Variants in CALN1 observed in about 807,000 individuals in gnomAD.
The protein encoded by CALN1 is calcium-binding protein 8.
In CALN1, 17 loss-of-function variants were observed where a neutral mutation model predicts 30.6. The ratio of observed to expected loss-of-function variants is 0.56; its 90% CI spans 0.38 to 0.83. The LOEUF (loss-of-function observed/expected upper bound fraction) is 0.83, where lower values mean the gene tolerates loss of function less well. CALN1 is among the 40% of genes least tolerant of loss of function. The pLI, the probability that CALN1 is intolerant of heterozygous loss-of-function variation, is 0.00. For missense variants in CALN1, 291 were observed against 354.9 expected, an observed-to-expected ratio of 0.82 and a Z score of 1.45; for synonymous variants, 156 against 131.4, an observed-to-expected ratio of 1.19 and a Z score of -1.28.
chr7:71,963,737 G>A (rs1343154735), intron 5 of CALN1, among the ~76,000 whole-genome samples: 1 of 151,974 alleles, frequency 6.6e-6, no homozygotes, highest in East Asian at 1.9e-4. Flanking sequence ...TGCAATAATA[G>A]ATTACACTTA....
intron 5 of CALN1, among the ~76,000 whole-genome samples, chr7:71,897,969 A>C (rs1332327974): frequency 1.7e-5 from 2 of 117,384 alleles, no homozygotes; most frequent in Non-Finnish European, 3.4e-5. Context: ...AAAAAACAAA[A>C]AACAAAAAAA....
chr7:72,281,826 G>A (rs1797750180), intron 2 of CALN1, among the ~76,000 whole-genome samples: 1 of 152,124 alleles, frequency 6.6e-6, no homozygotes, highest in South Asian at 2.1e-4. Context: ...TTATACTCAA[G>A]CAAGCATCTC....
At chr7:72,199,181 A>G (rs1218913147) in intron 3 of CALN1, among the ~76,000 whole-genome samples, 1 of 152,192 alleles carries the variant, frequency 6.6e-6, no homozygotes, top group African/African-American at 2.4e-5. Context: ...AGGTGGAGGC[A>G]GGAGAATTGT....
Position 71,957,583 on chromosome 7 carries a change from A to C in CALN1, c.501+66074T>G, listed in dbSNP as rs533297828. Among the ~76,000 whole-genome samples the C allele has an allele frequency of 2.6e-5, 4 of 152,290 alleles. No homozygotes were observed. In the South Asian group the frequency reaches 8.3e-4, roughly 32 times the overall value. ...GCCTTCCTCAACTTACAAATGGCAA[A>C]TCTCTTAAGTAACTTCAGTTCTCAG... is the stretch of plus-strand genomic sequence containing the variant. On this transcript the variant is annotated intron_variant, in intron 5 of 6. Coordinates refer to ENST00000395275, the MANE Select transcript of CALN1 (RefSeq NM_031468.4).
At chr7:72,387,208 G>GGGAA (rs1208704202) in intron 2 of CALN1, among the ~76,000 whole-genome samples, 7 of 122,434 alleles carry the variant, frequency 5.7e-5, no homozygotes, top group Middle Eastern at 4.7e-3. Context: ...GAGGGAGGGA[G>GGGAA]GGAAGGAAGG....
At chr7:72,137,717 G>T (rs1244941198) in intron 3 of CALN1, among the ~76,000 whole-genome samples, 1 of 152,178 alleles carries the variant, frequency 6.6e-6, no homozygotes, top group Non-Finnish European at 1.5e-5. Context: ...GGTATATGAT[G>T]TTAAGTTTTC....
chr7:72,180,069 T>C (rs868214840), intron 3 of CALN1, among the ~76,000 whole-genome samples: 1 of 152,212 alleles, frequency 6.6e-6, no homozygotes, highest in African/African-American at 2.4e-5. Flanking sequence ...CAGCTGCTCA[T>C]TCTTTTCAAG....
Position 71,925,264 on chromosome 7 carries a change from A to AAAGC in CALN1, c.501+98389_501+98392dup, listed in dbSNP as rs765736446. ...GGGGAGAGAGAGAGAGAGACAAAGAAAAGCAAGCAAGCAAGCAAGCAAGAA... is the reference window on the plus strand; with the variant it reads ...GGGGAGAGAGAGAGAGAGACAAAGAAAAGCAAGCAAGCAAGCAAGCAAGCAAGAA... On this transcript the variant is annotated intron_variant, in intron 5 of 6. Coordinates refer to ENST00000395275, the MANE Select transcript of CALN1 (RefSeq NM_031468.4). Among the ~76,000 whole-genome samples, 14 of 151,866 alleles carry AAAGC rather than the reference A, an allele frequency of 9.2e-5. No homozygotes were observed. The South Asian group carries it at 1.0e-3, about 11-fold the overall frequency.
intron 2 of CALN1, among the ~76,000 whole-genome samples, chr7:72,393,706 C>T (rs553589689): frequency 1.3e-5 from 2 of 151,278 alleles, no homozygotes; most frequent in African/African-American, 4.9e-5. Flanking sequence ...GAATCAGGTG[C>T]CTAGGAGTCG....
intron 1 of CALN1, among the ~76,000 whole-genome samples, chr7:72,436,261 A>G (rs1234087697): frequency 6.6e-6 from 1 of 152,190 alleles, no homozygotes; most frequent in African/African-American, 2.4e-5. Flanking sequence ...TAATTGAATC[A>G]TGGAGGTGAT....
chr7:71,937,105 TTCTAA>T (rs1795878545), intron 5 of CALN1, among the ~76,000 whole-genome samples: 1 of 152,166 alleles, frequency 6.6e-6, no homozygotes, highest in South Asian at 2.1e-4. Context: ...ATATCTATCT[TTCTAA>T]TCTATATATC....
intron 6 of CALN1, among the ~76,000 whole-genome samples, chr7:71,803,951 T>TGTGTGTATGTGTGTGC (rs1787455957): frequency 0.013 from 2 of 150 alleles, no homozygotes; most frequent in African/African-American, 0.033. Context: ...TGTGTGTGCG[T>TGTGTGTATGTGTGTGC]GTGTGTGTGT....
At chr7:72,030,795 G>A (rs1801389907) in intron 4 of CALN1, among the ~76,000 whole-genome samples, 4 of 151,724 alleles carry the variant, frequency 2.6e-5, no homozygotes, top group Admixed American at 2.6e-4. Flanking sequence ...CACCTAGGCT[G>A]GAGTGCAGTG....
At chr7:72,442,478 GGATTGCACTTTATTAAA>G (rs1808378300) in intron 1 of CALN1, among the ~76,000 whole-genome samples, 1 of 152,154 alleles carries the variant, frequency 6.6e-6, no homozygotes, top group Admixed American at 6.5e-5. Flanking sequence ...CACTTATTTA[GGATTGCACTTTATTAAA>G]GATTGCACTT....
At chr7:72,280,526 A>G (rs1400252816) in intron 2 of CALN1, among the ~76,000 whole-genome samples, 1 of 152,222 alleles carries the variant, frequency 6.6e-6, no homozygotes. Flanking sequence ...CACTTCAATG[A>G]CCACCTCCTT....
chr7:71,909,722 G>C (rs934274138), intron 5 of CALN1, among the ~76,000 whole-genome samples: 1 of 152,086 alleles, frequency 6.6e-6, no homozygotes, highest in African/African-American at 2.4e-5. Context: ...GTATCACTTG[G>C]TTTCCATTCT....
At chr7:71,894,917 C>T (rs1248593939) in intron 5 of CALN1, among the ~76,000 whole-genome samples, 1 of 152,086 alleles carries the variant, frequency 6.6e-6, no homozygotes, top group Non-Finnish European at 1.5e-5. Flanking sequence ...ATAAGAAAAA[C>T]AGACTGCAAT....
chr7:72,115,730 C>T lies in CALN1; in HGVS notation c.245-9436G>A, dbSNP rs1453845557. Among the ~76,000 whole-genome samples the T allele has an allele frequency of 4.6e-5, 7 of 152,066 alleles. No homozygotes were observed. The East Asian group carries it at 1.4e-3, about 29-fold the overall frequency. The stretch of plus-strand genomic sequence containing the variant: ...CTCAAACTCCTGGCCTTGTGATCTG[C>T]CCGCCTCAGCCTCCCAAAGTGCTAG... On this transcript the variant is annotated intron_variant, in intron 3 of 6. Transcript: ENST00000395275.
At chr7:72,176,276 A>G (rs1789349395) in intron 3 of CALN1, among the ~76,000 whole-genome samples, 2 of 152,176 alleles carry the variant, frequency 1.3e-5, no homozygotes, top group Non-Finnish European at 1.5e-5. Context: ...CTTTGTGGGA[A>G]AGGTAAGGCC....
Sources: gnomAD v4.1 joint callset for allele counts (sites outside exome capture counted in the v4.1 genomes callset) on GRCh38, gnomAD v4.1.1 for gene constraint, MANE v1.5 for transcripts, NCBI Gene and HGNC (gene_info 2026-07-23, HGNC 2026-07-21) for gene names.